The following TRPM2 variants were observed in gnomAD, a reference collection of about 807,000 sequenced individuals.
TRPM2 encodes the protein transient receptor potential cation channel subfamily M member 2, also known as estrogen-responsive element-associated gene 1 protein.
In TRPM2, 161 loss-of-function variants were observed where a neutral mutation model predicts 174.0. The observed-to-expected ratio is 0.93, with a 90% CI of 0.81 to 1.05. The LOEUF (loss-of-function observed/expected upper bound fraction) is 1.05, where lower values mean the gene tolerates loss of function less well. Ranked by LOEUF, TRPM2 falls within the 50% of genes least tolerant of loss-of-function variation. TRPM2 has a pLI of 0.00. For synonymous variants in TRPM2, 954 were observed against 861.3 expected, an observed-to-expected ratio of 1.11 and a Z score of -1.88; for missense variants, 2,057 against 2,038.0, an observed-to-expected ratio of 1.01 and a Z score of -0.18.
chr21:44,354,016 C>T lies in TRPM2; in HGVS notation c.165+151C>T. On this transcript the variant is annotated intron_variant, in intron 1 of 31. Coordinates refer to ENST00000397928, the MANE Select transcript of TRPM2 (RefSeq NM_003307.4). This position sits in a 1 kb window ranked among gnomAD's most constrained non-coding sequence, Gnocchi z 4.3. The stretch of plus-strand genomic sequence containing the variant: ...CAACCATACCTTTGGGAGAACAGAA[C>T]TGGGGAGGGTGATGCGTGTCTCGTC... 1 of 927,042 alleles carries T rather than the reference C, an allele frequency of 1.1e-6. No homozygotes were observed. Among genetic ancestry groups the T allele is most frequent in the Non-Finnish European group, 1.6e-6 (1 of 645,116 alleles). The allele number at this position is 927,042 out of a possible 1,614,324, so 57.4% of individuals were successfully genotyped here. A position where few individuals can be genotyped will look rare whatever the true frequency, so the allele number is the denominator to read the frequency against.
chr21:44,379,091 C>G lies in TRPM2; in HGVS notation c.1109C>G (p.Pro370Arg), dbSNP rs775330703. ...GTCATTGCCCAGGTGGCCAACCTGC[C>G]TGTCTCGGACATCACTATCTCCCTG... ...ADVIAQVANLPVSDITISLIQ... is the reference protein window; with the variant it reads ...ADVIAQVANLRVSDITISLIQ... The change falls in exon 8 of 32, where the codon CCT (proline) becomes CGT (arginine). Residue 370 changes from proline (P) to arginine (R), a missense_variant. Physicochemically the swap from Pro to Arg is moderately radical, Grantham distance 103. Transcript: ENST00000397928. 1 of 1,613,396 alleles carries G rather than the reference C, an allele frequency of 6.2e-7. No homozygotes were observed. The highest frequency in any genetic ancestry group is 8.5e-7 in the Non-Finnish European group (1 of 1,180,036).
Position 44,377,664 on chromosome 21 carries a change from C to T in TRPM2, c.953-48C>T, listed in dbSNP as rs554874238. ...TTCAGGTGTGGCCCTCACTCGGCTC[C>T]GTGCTTTGTTTAGGTGTGGCCCTCA... On this transcript the variant is annotated intron_variant, in intron 6 of 31. Coordinates refer to ENST00000397928, the MANE Select transcript of TRPM2 (RefSeq NM_003307.4). The T allele has an allele frequency of 5.6e-5, 90 of 1,609,860 alleles. No individual in the cohort carries two copies. The African/African-American group carries it at 6.2e-4, about 11-fold the overall frequency.
upstream of TRPM2, among the ~76,000 whole-genome samples, chr21:44,351,388 CG>C (rs2146100669): frequency 1.3e-5 from 2 of 152,310 alleles, no homozygotes; most frequent in Admixed American, 1.3e-4. Flanking sequence ...CCCCTTTCTC[CG>C]GGAATAGCTC....
intron 25 of TRPM2, 137 bp from the exon 26 acceptor site, chr21:44,426,523 G>A (rs1418538274): frequency 5.5e-6 from 5 of 916,274 alleles, no homozygotes; most frequent in Non-Finnish European, 8.8e-6. Context: ...GATCTGCCCA[G>A]CTTGGAGCTT....
chr21:44,370,247 C>G (rs1001519317), intron 5 of TRPM2, among the ~76,000 whole-genome samples: 2 of 152,102 alleles, frequency 1.3e-5, no homozygotes, highest in East Asian at 1.9e-4. Context: ...GATCCGACCC[C>G]GAACCGGAGC....
Position 44,364,217 on chromosome 21 carries a change from C to T in TRPM2, c.358C>T (p.Gln120Ter), listed in dbSNP as rs2048294405. The change falls in exon 3 of 32, where the codon CAG becomes TAG. Residue 120 changes from glutamine to a stop codon, truncating the protein, a stop_gained. Coordinates refer to ENST00000397928, the MANE Select transcript of TRPM2 (RefSeq NM_003307.4). LOFTEE classifies it high-confidence loss of function. ...GTQWDPKKHV[Q>*]EMPTDAFGDI... ...ACAGTGGGACCCAAAGAAACATGTC[C>T]AGGAGATGCCAACCGATGCCTTTGG... is the stretch of plus-strand genomic sequence containing the variant. The T allele has an allele frequency of 6.2e-7, 1 of 1,614,100 alleles. No individual in the cohort carries two copies.
At chr21:44,440,377 C>T (rs1451131474) in intron 30 of TRPM2, among the ~76,000 whole-genome samples, 1 of 150,850 alleles carries the variant, frequency 6.6e-6, no homozygotes, top group African/African-American at 2.4e-5. Flanking sequence ...GTGCAGCCAC[C>T]ACCTCTATCC....
intron 19 of TRPM2, among the ~76,000 whole-genome samples, chr21:44,411,409 A>G (rs1286032083): frequency 1.3e-5 from 2 of 152,154 alleles, no homozygotes; most frequent in Non-Finnish European, 2.9e-5. Context: ...AATGACTGGT[A>G]TGTAGACATA....
chr21:44,414,169 G>A, intron 20 of TRPM2, 95 bp downstream of exon 20: 1 of 1,462,394 alleles, frequency 6.8e-7, no homozygotes, highest in Admixed American at 1.8e-5. Flanking sequence ...CGTGGACAGT[G>A]TGGATGATGG....
At chr21:44,440,932 G>A in intron 31 of TRPM2, 27 bp downstream of exon 31, 1 of 1,595,874 alleles carries the variant, frequency 6.3e-7, no homozygotes, top group Non-Finnish European at 8.6e-7. Context: ...CCTGGAGGCG[G>A]GAGTGGGGAG....
chr21:44,439,307 A>G lies in TRPM2; in HGVS notation c.4269+139A>G. On this transcript the variant is annotated intron_variant, in intron 30 of 31. Coordinates refer to ENST00000397928, the MANE Select transcript of TRPM2 (RefSeq NM_003307.4). This position sits in a 1 kb window ranked among gnomAD's most constrained non-coding sequence, Gnocchi z 5.1. ...AGCTTCACCAGGTGACGGTGGTCCC[A>G]GCCCCTGCCCCCACGTTGCACAGCT... 1.4e-6 allele frequency: 1 copy of G among 716,466 alleles called. No homozygotes were observed. Among genetic ancestry groups the G allele is most frequent in the East Asian group, 2.8e-5 (1 of 35,548 alleles). The allele number at this position is 716,466 out of a possible 1,614,324, so 44.4% of individuals were successfully genotyped here. A position where few individuals can be genotyped will look rare whatever the true frequency, so the allele number is the denominator to read the frequency against.
chr21:44,412,602 T>A (rs139125374), intron 19 of TRPM2, among the ~76,000 whole-genome samples: 37 of 152,138 alleles, frequency 2.4e-4, no homozygotes, highest in African/African-American at 8.9e-4. Flanking sequence ...ATTTATATTC[T>A]AATCTTCATT....
At chr21:44,431,134 G>C (rs902166249) in intron 27 of TRPM2, among the ~76,000 whole-genome samples, 2 of 151,664 alleles carry the variant, frequency 1.3e-5, no homozygotes, top group African/African-American at 4.8e-5. Flanking sequence ...TTGTGTGTTA[G>C]AGCTCATTTT....
At position 44,426,686 on chromosome 21, in the gene TRPM2, C is replaced by G. The variant is rs748258859; in HGVS notation, c.3822C>G (p.Pro1274=). ...CGGAGTTCCTGATCTATGACCCACC[C>G]TTTTACACGGCAGAGAGGAAGGACG... ...WETEFLIYDP[P]FYTAERKDAA... Residue 1274 remains proline, a synonymous_variant, in exon 26 of 32, where the codon CCC becomes CCG. Coordinates refer to ENST00000397928, the MANE Select transcript of TRPM2 (RefSeq NM_003307.4). 67 of 1,614,074 alleles carry G rather than the reference C, an allele frequency of 4.2e-5. 1 individual carries two copies. In the Middle Eastern group the frequency reaches 2.1e-3, roughly 51 times the overall value.
At chr21:44,404,586 G>T (rs927469498) in intron 16 of TRPM2, among the ~76,000 whole-genome samples, 1 of 152,180 alleles carries the variant, frequency 6.6e-6, no homozygotes, top group African/African-American at 2.4e-5. Flanking sequence ...ACCAATGTTC[G>T]GATTTGCTGA....
intron 19 of TRPM2, among the ~76,000 whole-genome samples, chr21:44,408,462 T>A (rs746023877): frequency 6.6e-6 from 1 of 151,818 alleles, no homozygotes; most frequent in Non-Finnish European, 1.5e-5. Flanking sequence ...TTCCAATTTC[T>A]CTACCTTCTT....
At chr21:44,380,561 C>G (rs748849278) in intron 8 of TRPM2, among the ~76,000 whole-genome samples, 1 of 152,232 alleles carries the variant, frequency 6.6e-6, no homozygotes, top group Non-Finnish European at 1.5e-5. Flanking sequence ...CACACACAGC[C>G]GTCAGGCCTC....
chr21:44,408,783 G>A (rs764750273), intron 19 of TRPM2, among the ~76,000 whole-genome samples: 44 of 150,032 alleles, frequency 2.9e-4, no homozygotes, highest in Non-Finnish European at 5.3e-4. Context: ...TCAGCCTCCC[G>A]AGTAGCTGGG....
At chr21:44,382,295 G>A (rs2146213248) in intron 8 of TRPM2, among the ~76,000 whole-genome samples, 1 of 152,240 alleles carries the variant, frequency 6.6e-6, no homozygotes, top group South Asian at 2.1e-4. Context: ...ATCAGATTAT[G>A]TAGATAGATA....
Sources: allele counts gnomAD v4.1 joint callset (sites outside exome capture counted in the v4.1 genomes callset), GRCh38; gene constraint gnomAD v4.1.1; non-coding constraint Gnocchi (gnomAD v3.1); transcripts MANE v1.5; gene names NCBI Gene and HGNC (gene_info 2026-07-23, HGNC 2026-07-21).